STAU2: variants seen among roughly 807,000 people sequenced by gnomAD.
STAU2 encodes double-stranded RNA-binding protein Staufen homolog 2.
A neutral mutation model predicts 65.9 loss-of-function variants in STAU2; 20 were observed. The observed-to-expected ratio is 0.30, with a 90% CI of 0.21 to 0.44. The LOEUF is 0.44. Ranked by LOEUF, STAU2 falls within the 20% of genes least tolerant of loss-of-function variation. STAU2 has a pLI of 1.00. For synonymous variants in STAU2, 232 were observed against 233.9 expected (o/e 0.99, Z 0.07); for missense variants, 558 against 683.9 (o/e 0.82, Z 2.05).
intron 13 of STAU2, among the ~76,000 whole-genome samples, chr8:73,488,313 C>G (rs1821014328): frequency 6.6e-6 from 1 of 151,900 alleles, no homozygotes; most frequent in Non-Finnish European, 1.5e-5. Flanking sequence ...TGTGAATGTT[C>G]AAATATAAAA....
chr8:73,608,167 G>C (rs758818040), intron 9 of STAU2, among the ~76,000 whole-genome samples: 1 of 152,168 alleles, frequency 6.6e-6, no homozygotes, highest in Non-Finnish European at 1.5e-5. Flanking sequence ...GTCTCTAAAA[G>C]ATCATACTTT....
At chr8:73,725,626 A>G (rs1586358617) in intron 3 of STAU2, among the ~76,000 whole-genome samples, 1 of 152,140 alleles carries the variant, frequency 6.6e-6, no homozygotes, top group South Asian at 2.1e-4. Context: ...GCAAAACCCC[A>G]TCTCTACTAA....
intron 13 of STAU2, among the ~76,000 whole-genome samples, chr8:73,446,500 G>A (rs894261509): frequency 2.0e-5 from 3 of 152,244 alleles, no homozygotes; most frequent in Non-Finnish European, 4.4e-5. Flanking sequence ...GGAAGAGACT[G>A]TGTGCAGAGT....
chr8:73,715,068 G>A (rs1821153106), intron 3 of STAU2, among the ~76,000 whole-genome samples: 1 of 144,874 alleles, frequency 6.9e-6, no homozygotes, highest in Admixed American at 6.9e-5. Context: ...AAGCAACAGA[G>A]CGAGACTCCG....
intron 3 of STAU2, among the ~76,000 whole-genome samples, chr8:73,716,086 T>C (rs1339094110): frequency 7.1e-6 from 1 of 141,406 alleles, no homozygotes; most frequent in Non-Finnish European, 1.5e-5. Flanking sequence ...AGCTAATTTT[T>C]TTTTCTTTTT....
intron 6 of STAU2, among the ~76,000 whole-genome samples, chr8:73,656,753 C>G (rs1191661487): frequency 6.6e-6 from 1 of 152,138 alleles, no homozygotes; most frequent in African/African-American, 2.4e-5. Context: ...CAACCAAATG[C>G]CAAATCAAAA....
chr8:73,513,618 C>G (rs1206503649), intron 13 of STAU2, among the ~76,000 whole-genome samples: 2 of 152,098 alleles, frequency 1.3e-5, no homozygotes, highest in Non-Finnish European at 2.9e-5. Flanking sequence ...TTTATCAAGG[C>G]TCCCTATCAC....
intron 5 of STAU2, among the ~76,000 whole-genome samples, chr8:73,679,510 C>T (rs1313995316): frequency 6.6e-6 from 1 of 152,104 alleles, no homozygotes; most frequent in Non-Finnish European, 1.5e-5. Flanking sequence ...CACTGGGGAA[C>T]CTGAAAATCC....
At chr8:73,648,398 T>C (rs146300518) in intron 6 of STAU2, among the ~76,000 whole-genome samples, 81 of 152,348 alleles carry the variant, frequency 5.3e-4, no homozygotes, top group African/African-American at 1.8e-3. Context: ...TATAACTTAC[T>C]TCATAAATGA....
chr8:73,464,597 C>T (rs6472778), intron 13 of STAU2, among the ~76,000 whole-genome samples: 62,268 of 132,670 alleles, frequency 0.47, 13,097 homozygotes, highest in East Asian at 0.54. Context: ...CATGTGTGCA[C>T]GCGCACACAC....
intron 3 of STAU2, among the ~76,000 whole-genome samples, chr8:73,734,183 TAATA>T (rs1806261042): frequency 6.6e-6 from 1 of 150,980 alleles, no homozygotes; most frequent in Non-Finnish European, 1.5e-5. Context: ...ATTATCTCTG[TAATA>T]GAAGTGGAAT....
At chr8:73,731,095 T>C (rs1055624231) in intron 3 of STAU2, among the ~76,000 whole-genome samples, 4 of 152,182 alleles carry the variant, frequency 2.6e-5, no homozygotes, top group Non-Finnish European at 5.9e-5. Flanking sequence ...TGAAGCCTTA[T>C]TGTGAACTCT....
chr8:73,684,549 G>A (rs1818659289), intron 5 of STAU2, among the ~76,000 whole-genome samples: 1 of 152,128 alleles, frequency 6.6e-6, no homozygotes, highest in African/African-American at 2.4e-5. Context: ...ATTGGCTTAG[G>A]CAAAGGCTTC....
intron 3 of STAU2, among the ~76,000 whole-genome samples, chr8:73,735,403 AG>A (rs926124555): frequency 4.6e-5 from 7 of 152,308 alleles, no homozygotes; most frequent in East Asian, 1.9e-4. Context: ...AGTAACAAGA[AG>A]GGGGGGTCTC....
intron 12 of STAU2, among the ~76,000 whole-genome samples, chr8:73,577,901 A>T (rs1273621152): frequency 6.6e-6 from 1 of 152,088 alleles, no homozygotes; most frequent in Non-Finnish European, 1.5e-5. Context: ...GCCTTTTTTT[A>T]AAAAATTGAC....
chr8:73,688,530 G>A (rs1342272789), intron 5 of STAU2, 124 bp downstream of exon 5: 29 of 698,992 alleles, frequency 4.1e-5, no homozygotes, highest in Non-Finnish European at 4.6e-5. Context: ...GTGTGTGTGT[G>A]TAGGTATGGG....
chr8:73,644,642 A>G (rs1815238519), intron 6 of STAU2, among the ~76,000 whole-genome samples: 1 of 152,136 alleles, frequency 6.6e-6, no homozygotes, highest in African/African-American at 2.4e-5. Flanking sequence ...CTATACATAA[A>G]AGCAATTAAA....
intron 13 of STAU2, among the ~76,000 whole-genome samples, chr8:73,534,579 A>G (rs1806059326): frequency 6.6e-6 from 1 of 152,246 alleles, no homozygotes; most frequent in South Asian, 2.1e-4. Flanking sequence ...ACAGAACTGT[A>G]GCTAGCTCAT....
chr8:73,566,784 C>T (rs1239040903), intron 12 of STAU2, among the ~76,000 whole-genome samples: 1 of 152,140 alleles, frequency 6.6e-6, no homozygotes, highest in Non-Finnish European at 1.5e-5. Context: ...CTTAAGCCTC[C>T]TTATGTTGTT....
Sources: gnomAD v4.1 joint callset for allele counts (sites outside exome capture counted in the v4.1 genomes callset) on GRCh38, gnomAD v4.1.1 for gene constraint, MANE v1.5 for transcripts, NCBI Gene and HGNC (gene_info 2026-07-23, HGNC 2026-07-21) for gene names.